SLC44A1: variants seen among roughly 807,000 people sequenced by gnomAD.
SLC44A1 encodes solute carrier family 44 member 1.
SLC44A1 carries 26 observed loss-of-function variants against 79.3 expected under a neutral mutation model. The ratio of observed to expected loss-of-function variants is 0.33; its 90% CI spans 0.24 to 0.46. The LOEUF (loss-of-function observed/expected upper bound fraction) is 0.46, where lower values mean the gene tolerates loss of function less well. Ranked by LOEUF, SLC44A1 falls within the 20% of genes least tolerant of loss-of-function variation. SLC44A1 has a pLI of 1.00. For missense variants in SLC44A1, 688 were observed against 798.1 expected (o/e 0.86, Z 1.66); for synonymous variants, 263 against 286.2 (o/e 0.92, Z 0.82).
chr9:105,342,987 A>AAT (rs66472633), intron 4 of SLC44A1, among the ~76,000 whole-genome samples: 90 of 146,066 alleles, frequency 6.2e-4, no homozygotes, highest in Middle Eastern at 3.6e-3. Flanking sequence ...AAAAAAAAAA[A>AAT]ATATATATAT....
chr9:105,395,764 T>A lies in SLC44A1; in HGVS notation c.*6708T>A. ...AGGAGCATGTGTTAAATCATATGAG[T>A]AAAAAAAAAGTAGACATTGAAAAGA... On this transcript the variant is annotated 3_prime_UTR_variant, in exon 16 of 16. Transcript: ENST00000374720. 1 of 968,514 alleles carries A rather than the reference T, an allele frequency of 1.0e-6. No individual in the cohort carries two copies. The highest frequency in any genetic ancestry group is 1.2e-6 in the Non-Finnish European group (1 of 815,168). The allele number at this position is 968,514 out of a possible 1,614,324, so 60.0% of individuals were successfully genotyped here. A position where few individuals can be genotyped will look rare whatever the true frequency, so the allele number is the denominator to read the frequency against.
Position 105,397,151 on chromosome 9 carries a change from A to G in SLC44A1, c.*8095A>G. On this transcript the variant is annotated 3_prime_UTR_variant, in exon 16 of 16. Transcript: ENST00000374720. ...ATGGAATTCCATCTGGCTTCAGAGA[A>G]CAATCAGCCTATATGAAACGGAGCT... The G allele has an allele frequency of 1.0e-6, 1 of 985,422 alleles. No homozygotes were observed. The highest frequency in any genetic ancestry group is 1.2e-6 in the Non-Finnish European group (1 of 829,912). 61.0% of individuals were successfully genotyped at this position (985,422 alleles called of 1,614,324 possible).
Position 105,361,454 on chromosome 9 carries a change from T to C in SLC44A1, c.900+124T>C. On this transcript the variant is annotated intron_variant, in intron 8 of 15. Transcript: ENST00000374720. ...CCTGATCTCCAGTAGATAATATCTCTGTGCCATAGTGTATGAAACACTAAA... is the reference window on the plus strand; with the variant it reads ...CCTGATCTCCAGTAGATAATATCTCCGTGCCATAGTGTATGAAACACTAAA... 6 of 903,576 alleles carry C rather than the reference T, an allele frequency of 6.6e-6. No homozygotes were observed. In the Admixed American group the frequency reaches 1.0e-4, roughly 15 times the overall value. 56.0% of individuals were successfully genotyped at this position (903,576 alleles called of 1,614,324 possible).
chr9:105,282,536 G>C (rs1453063602), intron 1 of SLC44A1, among the ~76,000 whole-genome samples: 1 of 151,954 alleles, frequency 6.6e-6, no homozygotes, highest in South Asian at 2.1e-4. Flanking sequence ...CTTAATAATA[G>C]ATTGGGTCTT....
intron 2 of SLC44A1, among the ~76,000 whole-genome samples, chr9:105,304,211 A>T (rs1324591697): frequency 6.6e-6 from 1 of 152,146 alleles, no homozygotes; most frequent in Non-Finnish European, 1.5e-5. Context: ...CCAGGGCATG[A>T]TGTTTCTACC....
Position 105,390,321 on chromosome 9 carries a change from A to G in SLC44A1, c.*1265A>G, listed in dbSNP as rs1412396499. The G allele has an allele frequency of 1.7e-5, 17 of 986,822 alleles. No individual in the cohort carries two copies. The highest frequency in any genetic ancestry group is 5.1e-4 in the Middle Eastern group (1 of 1,950). 61.1% of individuals were successfully genotyped at this position (986,822 alleles called of 1,614,324 possible). A position where few individuals can be genotyped will look rare whatever the true frequency, so the allele number is the denominator to read the frequency against. ...GAATAATTCATGATCTGTTTATGCG[A>G]TAACTCCTTTTTGTTACAATTTTTT... On this transcript the variant is annotated 3_prime_UTR_variant, in exon 16 of 16. Coordinates refer to ENST00000374720, the MANE Select transcript of SLC44A1 (RefSeq NM_080546.5).
chr9:105,312,246 A>G (rs1831200962), intron 3 of SLC44A1, among the ~76,000 whole-genome samples: 1 of 152,194 alleles, frequency 6.6e-6, no homozygotes, highest in Non-Finnish European at 1.5e-5. Flanking sequence ...GCACATGGCT[A>G]AACTCTACTC....
rs1435426925 is a variant in SLC44A1 at position 105,394,383 on chromosome 9, G to A, written c.*5327G>A. 3.0e-6 allele frequency: 3 copies of A among 984,568 alleles called. No individual in the cohort carries two copies. The highest frequency in any genetic ancestry group is 3.6e-6 in the Non-Finnish European group (3 of 829,874). 61.0% of individuals were successfully genotyped at this position (984,568 alleles called of 1,614,324 possible). ...TGATCAACACTGAATCTTCATGACA[G>A]TAAGATTTTCTTTCCTTGGAGGTAT... is the stretch of plus-strand genomic sequence containing the variant. On this transcript the variant is annotated 3_prime_UTR_variant, in exon 16 of 16. Transcript: ENST00000374720.
chr9:105,320,970 C>T (rs1208222887), intron 3 of SLC44A1, among the ~76,000 whole-genome samples: 1 of 152,136 alleles, frequency 6.6e-6, no homozygotes, highest in Non-Finnish European at 1.5e-5. Flanking sequence ...GTATACAAGA[C>T]CTTTGTTAGG....
At chr9:105,434,253 T>C (rs1829435908) in intron 15 of SLC44A1, among the ~76,000 whole-genome samples, 1 of 151,146 alleles carries the variant, frequency 6.6e-6, no homozygotes, top group Non-Finnish European at 1.5e-5. Context: ...GGGAGGAGAG[T>C]CATTTGAACC....
At chr9:105,346,018 C>T (rs967837810) in intron 4 of SLC44A1, among the ~76,000 whole-genome samples, 12 of 150,356 alleles carry the variant, frequency 8.0e-5, no homozygotes, top group African/African-American at 2.9e-4. Context: ...ACACATACTA[C>T]CTTCAAAATG....
intron 3 of SLC44A1, among the ~76,000 whole-genome samples, chr9:105,331,657 A>G (rs1826753215): frequency 6.6e-6 from 1 of 152,246 alleles, no homozygotes; most frequent in Admixed American, 6.5e-5. Flanking sequence ...TAGTTAAAGT[A>G]TAATTACTTT....
intron 2 of SLC44A1, among the ~76,000 whole-genome samples, chr9:105,308,995 G>A (rs373581887): frequency 3.9e-5 from 6 of 152,194 alleles, no homozygotes; most frequent in East Asian, 3.9e-4. Flanking sequence ...CTGTGATGAA[G>A]CATATTCCCA....
intron 8 of SLC44A1, among the ~76,000 whole-genome samples, chr9:105,362,061 TGC>T (rs563036956): frequency 3.2e-4 from 49 of 152,110 alleles, no homozygotes; most frequent in Middle Eastern, 3.4e-3. Flanking sequence ...TGCGTGTGTG[TGC>T]GCGCGCGCGC....
In SLC44A1 at chr9:105,244,753, C is replaced by T; in HGVS notation, c.-116C>T. 1 of 490,322 alleles carries T rather than the reference C, an allele frequency of 2.0e-6. No homozygotes were observed. Among genetic ancestry groups the T allele is most frequent in the Non-Finnish European group, 3.0e-6 (1 of 338,366 alleles). The allele number at this position is 490,322 out of a possible 1,614,324, so 30.4% of individuals were successfully genotyped here. A position where few individuals can be genotyped will look rare whatever the true frequency, so the allele number is the denominator to read the frequency against. Reference sequence around the variant, plus strand: ...GCCGCCGCTGCAGCCGCCGCCGCCGCCTAGCCGTGCGGTGCCAGGCCGCGC... The same window carrying T: ...GCCGCCGCTGCAGCCGCCGCCGCCGTCTAGCCGTGCGGTGCCAGGCCGCGC... On this transcript the variant is annotated 5_prime_UTR_variant, in exon 1 of 16. Coordinates refer to ENST00000374720, the MANE Select transcript of SLC44A1 (RefSeq NM_080546.5).
intron 1 of SLC44A1, among the ~76,000 whole-genome samples, chr9:105,246,342 G>A (rs888363959): frequency 1.7e-4 from 25 of 151,244 alleles, no homozygotes; most frequent in African/African-American, 6.1e-4. Flanking sequence ...TGTTTTATTA[G>A]GTATCCATCC....
chr9:105,387,926 T>C (rs1438204371), intron 15 of SLC44A1, among the ~76,000 whole-genome samples: 1 of 152,252 alleles, frequency 6.6e-6, no homozygotes, highest in Non-Finnish European at 1.5e-5. Flanking sequence ...TTCCTATTAG[T>C]ATTTTCAGTT....
chr9:105,387,840 A>G (rs1168841465), intron 15 of SLC44A1, among the ~76,000 whole-genome samples: 4 of 152,326 alleles, frequency 2.6e-5, no homozygotes, highest in Middle Eastern at 3.4e-3. Flanking sequence ...CTCCTAATTT[A>G]TAGGTAATAA....
At chr9:105,338,235 C>G (rs563940761) in intron 4 of SLC44A1, among the ~76,000 whole-genome samples, 3 of 152,200 alleles carry the variant, frequency 2.0e-5, no homozygotes, top group Admixed American at 2.0e-4. Flanking sequence ...GAGTAGCAAC[C>G]CTAAGTTGAA....
Sources: allele counts gnomAD v4.1 joint callset (sites outside exome capture counted in the v4.1 genomes callset), GRCh38; gene constraint gnomAD v4.1.1; transcripts MANE v1.5; gene names NCBI Gene and HGNC (gene_info 2026-07-23, HGNC 2026-07-21).